Variants in RNFT2 observed in about 807,000 individuals in gnomAD.
RNFT2 encodes the protein E3 ubiquitin-protein ligase RNFT2.
RNFT2 carries 36 observed loss-of-function variants against 53.0 expected under a neutral mutation model. The ratio of observed to expected loss-of-function variants is 0.68; its 90% CI spans 0.52 to 0.90. The LOEUF is 0.90. Among genes scored for constraint, RNFT2 ranks in the 40% least tolerant of loss-of-function variants. The pLI, the probability that RNFT2 is intolerant of heterozygous loss-of-function variation, is 0.00. For synonymous variants in RNFT2, 260 were observed against 253.2 expected (o/e 1.03, Z -0.26); for missense variants, 514 against 585.6 (o/e 0.88, Z 1.26).
intron 8 of RNFT2, 40 bp downstream of exon 8, chr12:116,833,981 G>GC (rs766248528): frequency 6.5e-7 from 1 of 1,541,638 alleles, no homozygotes; most frequent in Non-Finnish European, 8.7e-7. Context: ...CCTAAGGAGG[G>GC]CCCCATTCAC....
intron 7 of RNFT2, among the ~76,000 whole-genome samples, chr12:116,795,575 T>C (rs569912838): frequency 6.6e-6 from 1 of 152,292 alleles, no homozygotes; most frequent in African/African-American, 2.4e-5. Context: ...TTTCAAGGGC[T>C]CAAACGCAGA....
intron 5 of RNFT2, among the ~76,000 whole-genome samples, chr12:116,754,755 T>C (rs1872421501): frequency 6.6e-6 from 1 of 152,264 alleles, no homozygotes; most frequent in African/African-American, 2.4e-5. Context: ...TAAGCATTTT[T>C]TCATGTTTGT....
At chr12:116,829,441 C>T (rs1209536780) in intron 7 of RNFT2, among the ~76,000 whole-genome samples, 2 of 152,056 alleles carry the variant, frequency 1.3e-5, no homozygotes, top group Non-Finnish European at 2.9e-5. Flanking sequence ...GAAAGGAGGG[C>T]CCTTTGGGAA....
intron 3 of RNFT2, among the ~76,000 whole-genome samples, chr12:116,743,346 A>G (rs560967227): frequency 4.0e-5 from 6 of 150,622 alleles, no homozygotes; most frequent in Non-Finnish European, 7.4e-5. Context: ...AGCTCACTAC[A>G]ACTTCCGCCT....
In RNFT2 at chr12:116,766,883, T is replaced by C. The variant is rs761016977; in HGVS notation, c.697T>C (p.Tyr233His). The C allele has an allele frequency of 6.3e-7, 1 of 1,592,794 alleles. No individual in the cohort carries two copies. The change falls in exon 6 of 11, where the codon TAT becomes CAT. Residue 233 changes from tyrosine (Y) to histidine (H), a missense_variant. Transcript: ENST00000257575. ...GGCGGGGAACACCCTCTATGTGCTT[T>C]ATACATTCAGCTCCCAGCAGCTGTA... ...FLAGNTLYVL[Y>H]TFSSQQLYNS...
chr12:116,794,527 G>C (rs536395226), intron 7 of RNFT2, among the ~76,000 whole-genome samples: 1 of 151,604 alleles, frequency 6.6e-6, no homozygotes, highest in Non-Finnish European at 1.5e-5. Flanking sequence ...GAACCCGGGA[G>C]GGGGAGGCTG....
chr12:116,768,731 T>A (rs1295644058), intron 6 of RNFT2, among the ~76,000 whole-genome samples: 2 of 149,664 alleles, frequency 1.3e-5, no homozygotes, highest in Non-Finnish European at 1.5e-5. Flanking sequence ...TTTATTTTTC[T>A]CTCTCTTTTT....
intron 7 of RNFT2, among the ~76,000 whole-genome samples, chr12:116,828,195 T>C (rs1876444496): frequency 6.6e-6 from 1 of 152,190 alleles, no homozygotes; most frequent in Admixed American, 6.5e-5. Flanking sequence ...CCTGCCCTCA[T>C]TTCTTCACCA....
At chr12:116,831,198 CAA>C (rs35779552) in intron 7 of RNFT2, among the ~76,000 whole-genome samples, 1 of 142,628 alleles carries the variant, frequency 7.0e-6, no homozygotes, top group Non-Finnish European at 1.5e-5. Flanking sequence ...CGTCTCTCTA[CAA>C]AAAAAAAAAA....
chr12:116,788,318 A>G (rs971963464), intron 7 of RNFT2, among the ~76,000 whole-genome samples: 15 of 152,210 alleles, frequency 9.9e-5, no homozygotes, highest in Non-Finnish European at 1.9e-4. Flanking sequence ...AGATGAGAAA[A>G]TTGAGGCACT....
Position 116,852,601 on chromosome 12 carries a change from C to A in RNFT2, c.*3153C>A. On this transcript the variant is annotated 3_prime_UTR_variant, in exon 11 of 11. Transcript: ENST00000257575. ...CTGAGGAAAAACCAAAGGGAAGCAA[C>A]AGGAACTTCTGCAACTGGTTTTTAT... 6.2e-7 allele frequency: 1 copy of A among 1,613,732 alleles called. No individual in the cohort carries two copies. Among genetic ancestry groups the A allele is most frequent in the Non-Finnish European group, 8.5e-7 (1 of 1,179,734 alleles).
At chr12:116,845,738 G>C (rs1877579820) in intron 10 of RNFT2, among the ~76,000 whole-genome samples, 1 of 152,092 alleles carries the variant, frequency 6.6e-6, no homozygotes, top group Non-Finnish European at 1.5e-5. Context: ...CTGCCCTCCA[G>C]ACCATGATGA....
chr12:116,748,499 C>A (rs1029719503), intron 3 of RNFT2, among the ~76,000 whole-genome samples: 6 of 152,092 alleles, frequency 3.9e-5, no homozygotes, highest in African/African-American at 1.4e-4. Flanking sequence ...AATTTAACAC[C>A]CCCACCCCCA....
chr12:116,745,922 T>C (rs1406186463), intron 3 of RNFT2, among the ~76,000 whole-genome samples: 2 of 152,266 alleles, frequency 1.3e-5, no homozygotes, highest in East Asian at 3.9e-4. Flanking sequence ...TTTGCAGCAC[T>C]GACCACACAT....
chr12:116,843,638 G>A (rs561614204), intron 10 of RNFT2, among the ~76,000 whole-genome samples: 1 of 151,634 alleles, frequency 6.6e-6, no homozygotes, highest in South Asian at 2.1e-4. Context: ...CCCTTCCTCT[G>A]TAGACGTTCA....
intron 7 of RNFT2, among the ~76,000 whole-genome samples, chr12:116,788,681 G>T (rs1000544140): frequency 2.0e-5 from 3 of 152,126 alleles, no homozygotes; most frequent in African/African-American, 7.2e-5. Context: ...ATCAGTATCT[G>T]CTGTGTATCC....
At position 116,749,870 on chromosome 12, in the gene RNFT2, C is replaced by T. The variant is rs750674190; in HGVS notation, c.113C>T (p.Ala38Val). The change falls in exon 4 of 11, where the codon GCG (alanine) becomes GTG (valine). Residue 38 changes from alanine (A) to valine (V), a missense_variant. Physicochemically the swap from Ala to Val is moderately conservative, Grantham distance 64. This residue lies in a region of RNFT2 where 237 missense variants were observed against 235.1 expected (regional missense o/e 1.01). Coordinates refer to ENST00000257575, the MANE Select transcript of RNFT2 (RefSeq NM_001382266.1). ...RNRSQALSSE[A>V]SVDEGGVFES... The stretch of plus-strand genomic sequence containing the variant: ...CGCAGCCAGGCGCTCAGCTCCGAGG[C>T]GAGTGTGGATGAAGGTGGCGTCTTT... The T allele has an allele frequency of 2.7e-5, 43 of 1,587,038 alleles. 1 individual carries two copies. The Middle Eastern group carries it at 6.6e-4, about 24-fold the overall frequency.
chr12:116,835,819 G>A (rs1876929713), intron 8 of RNFT2, 141 bp from the exon 9 acceptor site: 1 of 770,770 alleles, frequency 1.3e-6, no homozygotes, highest in African/African-American at 1.7e-5. Flanking sequence ...TGGGAAGGAA[G>A]AAGTGCAAAT....
intron 5 of RNFT2, among the ~76,000 whole-genome samples, chr12:116,760,586 TCTC>T (rs1255592904): frequency 1.3e-5 from 2 of 152,144 alleles, no homozygotes; most frequent in African/African-American, 2.4e-5. Context: ...GTTGGAAACT[TCTC>T]CTGCAAACAG....
Sources: allele counts gnomAD v4.1 joint callset (sites outside exome capture counted in the v4.1 genomes callset), GRCh38; gene constraint gnomAD v4.1.1; regional missense constraint gnomAD v4.1.1; transcripts MANE v1.5; gene names NCBI Gene and HGNC (gene_info 2026-07-23, HGNC 2026-07-21).